The following DNAH14 variants were observed in gnomAD, a reference collection of about 807,000 sequenced individuals.
DNAH14 encodes the protein axonemal beta dynein heavy chain 14.
Under a neutral mutation model 520.9 loss-of-function variants are expected in DNAH14, and 478 were observed. That is an observed-to-expected ratio of 0.92 (90% confidence interval 0.85 to 0.99). The LOEUF (loss-of-function observed/expected upper bound fraction) is 0.99, where lower values mean the gene tolerates loss of function less well. Ranked by LOEUF, DNAH14 falls within the 50% of genes least tolerant of loss-of-function variation. DNAH14 has a pLI of 0.00. For missense variants in DNAH14, 4,831 were observed against 5,234.5 expected (o/e 0.92, Z 2.38); for synonymous variants, 1,581 against 1,757.2 (o/e 0.90, Z 2.51).
intron 73 of DNAH14, among the ~76,000 whole-genome samples, chr1:225,354,866 C>G (rs1339427198): frequency 1.3e-5 from 2 of 152,064 alleles, no homozygotes; most frequent in African/African-American, 4.8e-5. Flanking sequence ...TGATTTCTGC[C>G]TTAAACTTTA....
At position 225,360,878 on chromosome 1, in the gene DNAH14, A is replaced by ACAATTGTAG. The variant is rs1229880965; in HGVS notation, c.11975_11983dup (p.Val3994_Glu3995insAlaIleVal). On this transcript the variant is annotated inframe_insertion, in exon 75 of 86. Coordinates refer to ENST00000682510, the MANE Select transcript of DNAH14 (RefSeq NM_001367479.1). ...AACATCATTTATGCCAAGGCTTTGC[A>ACAATTGTAG]CAATTGTAGAATCGTAAGAGTTTTA... The ACAATTGTAG allele has an allele frequency of 1.3e-6, 2 of 1,551,562 alleles. No homozygotes were observed. The highest frequency in any genetic ancestry group is 1.7e-6 in the Non-Finnish European group (2 of 1,146,950).
intron 23 of DNAH14, among the ~76,000 whole-genome samples, chr1:225,112,227 T>C (rs2076538469): frequency 6.6e-6 from 1 of 152,178 alleles, no homozygotes; most frequent in Non-Finnish European, 1.5e-5. Flanking sequence ...GAAGGATATT[T>C]TGGACAGATA....
At chr1:225,275,077 C>G (rs1468667749) in intron 52 of DNAH14, among the ~76,000 whole-genome samples, 1 of 152,160 alleles carries the variant, frequency 6.6e-6, no homozygotes, top group East Asian at 1.9e-4. Flanking sequence ...CCTAAGGTCA[C>G]CCTGCTAGTT....
chr1:225,261,402 T>C (rs894152481), intron 46 of DNAH14, among the ~76,000 whole-genome samples: 2 of 152,190 alleles, frequency 1.3e-5, no homozygotes, highest in African/African-American at 4.8e-5. Flanking sequence ...GACCTTATAG[T>C]TTTTGTCTTT....
intron 9 of DNAH14, 61 bp downstream of exon 9, chr1:225,002,988 G>T: frequency 7.6e-7 from 1 of 1,307,604 alleles, no homozygotes; most frequent in African/African-American, 1.5e-5. Flanking sequence ...AAGAAAAATA[G>T]CATTTTGAAT....
intron 8 of DNAH14, among the ~76,000 whole-genome samples, chr1:224,998,348 G>A (rs1187238303): frequency 6.6e-6 from 1 of 151,688 alleles, no homozygotes; most frequent in Non-Finnish European, 1.5e-5. Flanking sequence ...TGTTTTCTAA[G>A]TTCTTAAAGT....
intron 10 of DNAH14, among the ~76,000 whole-genome samples, chr1:225,019,907 A>G (rs2147995734): frequency 6.6e-6 from 1 of 152,202 alleles, no homozygotes; most frequent in East Asian, 1.9e-4. Flanking sequence ...AAGAAGTTAG[A>G]AAGATCTCAA....
At chr1:225,138,940 T>G (rs2079196401) in intron 27 of DNAH14, among the ~76,000 whole-genome samples, 1 of 152,202 alleles carries the variant, frequency 6.6e-6, no homozygotes, top group Admixed American at 6.5e-5. Flanking sequence ...GGACTGCAGC[T>G]GCTTCTAATC....
chr1:224,985,478 G>T (rs1414337914), intron 8 of DNAH14, among the ~76,000 whole-genome samples: 3 of 152,118 alleles, frequency 2.0e-5, no homozygotes, highest in Non-Finnish European at 2.9e-5. Context: ...AGAGCTGGGT[G>T]GGGGTGAGGG....
Position 225,153,773 on chromosome 1 carries a change from A to C in DNAH14, c.5220A>C (p.Arg1740Ser), listed in dbSNP as rs2080749712. 2 of 1,549,126 alleles carry C rather than the reference A, an allele frequency of 1.3e-6. No homozygotes were observed. Among genetic ancestry groups the C allele is most frequent in the Admixed American group, 3.9e-5 (2 of 50,850 alleles). The change falls in exon 34 of 86, where the codon AGA becomes AGC. Residue 1740 changes from arginine (R) to serine (S), a missense_variant. By Grantham distance (110) the Arg-to-Ser change is moderately radical (BLOSUM62 -1). Transcript: ENST00000682510. ...SQQDHYNFGL[R>S]SLKIVLIMAG... ...AGGATCATTATAATTTTGGCTTGAG[A>C]TCTCTGAAGATAGTTTTAATAATGG...
intron 77 of DNAH14, among the ~76,000 whole-genome samples, chr1:225,370,635 C>T (rs926783306): frequency 6.6e-6 from 1 of 151,910 alleles, no homozygotes; most frequent in Non-Finnish European, 1.5e-5. Context: ...AAAGACTGGC[C>T]TTAAATGTCT....
chr1:225,008,244 G>C (rs1402182219), intron 10 of DNAH14, among the ~76,000 whole-genome samples: 4 of 152,090 alleles, frequency 2.6e-5, no homozygotes, highest in African/African-American at 9.7e-5. Context: ...TCCCTGCAAA[G>C]GACATGAACT....
chr1:225,026,132 G>A (rs887314025), intron 11 of DNAH14, among the ~76,000 whole-genome samples: 2 of 151,826 alleles, frequency 1.3e-5, no homozygotes, highest in Admixed American at 6.6e-5. Flanking sequence ...GCCCAACTAA[G>A]TTATTTGTCT....
chr1:224,969,963 A>G (rs981298788), intron 7 of DNAH14: 2 of 152,256 alleles, frequency 1.3e-5, no homozygotes, highest in Non-Finnish European at 2.9e-5. Flanking sequence ...TTTGAACAAT[A>G]TGAAATCTGG....
At chr1:225,032,179 A>G (rs751724770) in intron 11 of DNAH14, among the ~76,000 whole-genome samples, 12 of 151,984 alleles carry the variant, frequency 7.9e-5, no homozygotes, top group Non-Finnish European at 1.6e-4. Context: ...ACATTACCCA[A>G]GTATTAAGCT....
chr1:225,102,115 C>CCACCTATGAGTGAGAACATG (rs1490912348), intron 23 of DNAH14, among the ~76,000 whole-genome samples: 1 of 147,526 alleles, frequency 6.8e-6, no homozygotes, highest in Non-Finnish European at 1.5e-5. Context: ...TGTTCAATTC[C>CCACCTATGAGTGAGAACATG]CACCTATGAG....
At chr1:225,031,271 A>G (rs1039305469) in intron 11 of DNAH14, among the ~76,000 whole-genome samples, 3 of 152,112 alleles carry the variant, frequency 2.0e-5, no homozygotes, top group Admixed American at 2.0e-4. Flanking sequence ...TCTTTGGTAG[A>G]CAATTTAAGA....
At chr1:225,264,739 T>A (rs1363018895) in intron 47 of DNAH14, among the ~76,000 whole-genome samples, 2 of 152,142 alleles carry the variant, frequency 1.3e-5, no homozygotes, top group Non-Finnish European at 2.9e-5. Context: ...AAAGATGGAA[T>A]GGCCTAGAGA....
intron 1 of DNAH14, among the ~76,000 whole-genome samples, chr1:224,945,124 G>T (rs1277110346): frequency 6.6e-6 from 1 of 152,100 alleles, no homozygotes; most frequent in Non-Finnish European, 1.5e-5. Context: ...TCATTTTCAG[G>T]TACACCAATC....
Sources: allele counts gnomAD v4.1 joint callset (sites outside exome capture counted in the v4.1 genomes callset), GRCh38; gene constraint gnomAD v4.1.1; transcripts MANE v1.5; gene names NCBI Gene and HGNC (gene_info 2026-07-23, HGNC 2026-07-21).